Variants in PDE8A observed in about 807,000 individuals in gnomAD.
PDE8A encodes the protein high affinity cAMP-specific and IBMX-insensitive 3',5'-cyclic phosphodiesterase 8A.
Under a neutral mutation model 105.0 loss-of-function variants are expected in PDE8A, and 59 were observed. The ratio of observed to expected loss-of-function variants is 0.56; its 90% CI spans 0.46 to 0.70. The LOEUF (loss-of-function observed/expected upper bound fraction) is 0.70. Ranked by LOEUF, PDE8A falls within the 30% of genes least tolerant of loss-of-function variation. The probability of loss-of-function intolerance (pLI) is 0.00; values close to 1 mark genes in which losing one functional copy is unlikely to be tolerated. For missense variants in PDE8A, 1,014 were observed against 1,045.9 expected, an observed-to-expected ratio of 0.97 and a Z score of 0.42; for synonymous variants, 355 against 371.9, an observed-to-expected ratio of 0.95 and a Z score of 0.52.
chr15:85,073,187 G>A (rs1276234614), intron 3 of PDE8A, among the ~76,000 whole-genome samples: 4 of 152,244 alleles, frequency 2.6e-5, no homozygotes, highest in South Asian at 2.1e-4. Flanking sequence ...CTACAGGATC[G>A]CACTCCATCT....
intron 1 of PDE8A, among the ~76,000 whole-genome samples, chr15:85,017,958 G>A (rs1444621950): frequency 1.4e-5 from 2 of 147,656 alleles, no homozygotes; most frequent in African/African-American, 5.0e-5. Flanking sequence ...TCTTTTCAAA[G>A]TATGGATGAG....
At chr15:85,050,573 C>T (rs2080957459) in intron 1 of PDE8A, among the ~76,000 whole-genome samples, 1 of 152,190 alleles carries the variant, frequency 6.6e-6, no homozygotes, top group Non-Finnish European at 1.5e-5. Context: ...AAAACACTCT[C>T]CTTTCACCAT....
At chr15:84,983,455 G>T (rs771014054) in intron 1 of PDE8A, among the ~76,000 whole-genome samples, 15 of 152,178 alleles carry the variant, frequency 9.9e-5, no homozygotes, top group Non-Finnish European at 1.5e-4. Context: ...TCTAGCAGTC[G>T]TCATGATACT....
At chr15:85,010,910 T>A (rs1328895694) in intron 1 of PDE8A, among the ~76,000 whole-genome samples, 1 of 152,108 alleles carries the variant, frequency 6.6e-6, no homozygotes, top group Non-Finnish European at 1.5e-5. Flanking sequence ...GAGAGTGAAG[T>A]TTATATATGA....
chr15:85,083,905 A>G (rs2081506889), intron 6 of PDE8A, among the ~76,000 whole-genome samples: 1 of 152,140 alleles, frequency 6.6e-6, no homozygotes, highest in South Asian at 2.1e-4. Context: ...CAAACTGCAT[A>G]TGCTGGATTA....
intron 11 of PDE8A, among the ~76,000 whole-genome samples, chr15:85,103,129 C>T (rs565284982): frequency 4.6e-5 from 7 of 151,292 alleles, no homozygotes; most frequent in Admixed American, 3.3e-4. Context: ...GGCTGAGGCA[C>T]GAGAATTGCT....
chr15:85,111,268 A>G (rs1181326192), intron 12 of PDE8A, among the ~76,000 whole-genome samples: 1 of 152,176 alleles, frequency 6.6e-6, no homozygotes, highest in African/African-American at 2.4e-5. Context: ...TGCGCTTTTT[A>G]TGTCCTATTT....
rs781503959 is a variant in PDE8A, at chr15:85,136,564, G to C, written c.2284G>C (p.Val762Leu). 1.9e-6 allele frequency: 3 copies of C among 1,613,916 alleles called. No homozygotes were observed. The South Asian group carries it at 3.3e-5, about 18-fold the overall frequency. Residue 762 changes from valine to leucine, a missense_variant, in exon 21 of 22, where the codon GTG becomes CTG. Physicochemically the swap from Val to Leu is conservative, Grantham distance 32. Coordinates refer to ENST00000394553, the MANE Select transcript of PDE8A (RefSeq NM_002605.3). ...TDEEKQQGLP[V>L]VMPVFDRNTC... Reference sequence around the variant, plus strand: ...TGAAGAGAAGCAGCAGGGCTTACCTGTGGTGATGCCAGTGTTTGACAGAAA... The same window carrying C: ...TGAAGAGAAGCAGCAGGGCTTACCTCTGGTGATGCCAGTGTTTGACAGAAA...
chr15:85,128,326 G>A (rs2082286344), intron 20 of PDE8A, among the ~76,000 whole-genome samples: 1 of 152,080 alleles, frequency 6.6e-6, no homozygotes, highest in African/African-American at 2.4e-5. Flanking sequence ...GCAAGATAAT[G>A]AGACCGCATC....
At chr15:85,049,539 C>T (rs990052879) in intron 1 of PDE8A, among the ~76,000 whole-genome samples, 7 of 152,200 alleles carry the variant, frequency 4.6e-5, no homozygotes, top group African/African-American at 1.7e-4. Context: ...CTTTTTATGG[C>T]TGAATAATAT....
chr15:85,096,712 C>G, intron 8 of PDE8A, among the ~76,000 whole-genome samples: 1 of 152,108 alleles, frequency 6.6e-6, no homozygotes, highest in South Asian at 2.1e-4. Context: ...GCTGAGCTCC[C>G]CCTCAGAACT....
chr15:85,100,589 C>T (rs914870783), intron 11 of PDE8A, among the ~76,000 whole-genome samples: 1 of 152,216 alleles, frequency 6.6e-6, no homozygotes, highest in African/African-American at 2.4e-5. Flanking sequence ...GGTAGCCAGG[C>T]CCCTCGCACT....
intron 12 of PDE8A, among the ~76,000 whole-genome samples, chr15:85,112,933 C>T (rs2082040613): frequency 1.3e-5 from 2 of 152,100 alleles, no homozygotes; most frequent in Non-Finnish European, 2.9e-5. Context: ...AAAATTTAAC[C>T]AGAAATTTGT....
intron 3 of PDE8A, among the ~76,000 whole-genome samples, chr15:85,073,774 G>A (rs1442833556): frequency 6.6e-6 from 1 of 152,234 alleles, no homozygotes; most frequent in Non-Finnish European, 1.5e-5. Flanking sequence ...GTATTAGTCA[G>A]CAGGTGTGAT....
At chr15:85,034,900 C>T (rs1445367367) in intron 1 of PDE8A, among the ~76,000 whole-genome samples, 1 of 151,980 alleles carries the variant, frequency 6.6e-6, no homozygotes, top group Non-Finnish European at 1.5e-5. Flanking sequence ...TAGATACTAT[C>T]TAAATAAATA....
At chr15:85,114,249 G>C (rs759363278) in intron 14 of PDE8A, among the ~76,000 whole-genome samples, 14 of 152,178 alleles carry the variant, frequency 9.2e-5, no homozygotes, top group Non-Finnish European at 1.9e-4. Context: ...GCTTGGAGCA[G>C]AGCAGGGAGG....
intron 1 of PDE8A, chr15:85,063,945 G>T (rs2081183529): frequency 6.3e-6 from 1 of 159,170 alleles, no homozygotes; most frequent in South Asian, 1.9e-4. Flanking sequence ...TGCCATTTGG[G>T]TGTAAGATTT....
At chr15:85,112,259 C>T (rs770325659) in intron 12 of PDE8A, among the ~76,000 whole-genome samples, 7 of 152,076 alleles carry the variant, frequency 4.6e-5, no homozygotes, top group Non-Finnish European at 1.0e-4. Flanking sequence ...CTAAATCAGG[C>T]TAATTAACGT....
chr15:85,113,489 C>T (rs979558202), intron 13 of PDE8A, 42 bp downstream of exon 13: 1 of 1,465,008 alleles, frequency 6.8e-7, no homozygotes. Context: ...CACACATACT[C>T]CTTGTTCTCC....
Sources: gnomAD v4.1 joint callset for allele counts (sites outside exome capture counted in the v4.1 genomes callset) on GRCh38, gnomAD v4.1.1 for gene constraint, MANE v1.5 for transcripts, NCBI Gene and HGNC (gene_info 2026-07-23, HGNC 2026-07-21) for gene names.